The following FAM184B variants were observed in gnomAD, a reference collection of about 807,000 sequenced individuals.
The protein encoded by FAM184B is family with sequence similarity 184 member B.
FAM184B carries 111 observed loss-of-function variants against 135.9 expected under a neutral mutation model. The ratio of observed to expected loss-of-function variants is 0.82; its 90% CI spans 0.70 to 0.96. The LOEUF is 0.96. FAM184B is among the 40% of genes least tolerant of loss of function. The probability of loss-of-function intolerance (pLI) is 0.00; values close to 1 mark genes in which losing one functional copy is unlikely to be tolerated. For missense variants in FAM184B, 1,375 were observed against 1,323.9 expected (o/e 1.04, Z -0.60); for synonymous variants, 552 against 524.8 (o/e 1.05, Z -0.71).
At chr4:17,765,976 TC>T (rs959849741) in intron 1 of FAM184B, among the ~76,000 whole-genome samples, 1 of 152,044 alleles carries the variant, frequency 6.6e-6, no homozygotes, top group South Asian at 2.1e-4. Flanking sequence ...GGTTATTCAT[TC>T]CCCCCGGCAG....
In FAM184B at chr4:17,631,233, G is replaced by A. The variant is rs1714930350; in HGVS notation, c.*1299C>T. ...ATATATATATATATTTTTTTAATCTGTAGAGATGGGATCTCACTATCTTGC... is the reference window on the plus strand; with the variant it reads ...ATATATATATATATTTTTTTAATCTATAGAGATGGGATCTCACTATCTTGC... On this transcript the variant is annotated 3_prime_UTR_variant, in exon 18 of 18. Transcript: ENST00000265018. The A allele has an allele frequency of 6.6e-6, 1 of 151,120 alleles. No individual in the cohort carries two copies. 9.4% of individuals were successfully genotyped at this position (151,120 alleles called of 1,614,324 possible).
intron 1 of FAM184B, among the ~76,000 whole-genome samples, chr4:17,719,223 C>T (rs949190405): frequency 6.6e-6 from 1 of 152,156 alleles, no homozygotes; most frequent in Non-Finnish European, 1.5e-5. Context: ...TACTTGAAAA[C>T]AAGCACTGTG....
intron 1 of FAM184B, among the ~76,000 whole-genome samples, chr4:17,720,782 A>T (rs1717504974): frequency 6.7e-6 from 1 of 149,860 alleles, no homozygotes; most frequent in Non-Finnish European, 1.5e-5. Context: ...GCTGCTCGAG[A>T]GGCTGAGGCG....
intron 12 of FAM184B, among the ~76,000 whole-genome samples, chr4:17,646,828 G>A (rs1008065701): frequency 4.6e-5 from 7 of 152,158 alleles, no homozygotes; most frequent in Non-Finnish European, 1.0e-4. Context: ...CTGTTAGGAG[G>A]TGACTGCCAC....
At chr4:17,707,161 T>C (rs1717138632) in intron 3 of FAM184B, among the ~76,000 whole-genome samples, 1 of 152,162 alleles carries the variant, frequency 6.6e-6, no homozygotes, top group South Asian at 2.1e-4. Context: ...GGTCTCAAAG[T>C]CCTGGGCTGA....
chr4:17,638,536 A>G (rs928053085), intron 14 of FAM184B, among the ~76,000 whole-genome samples: 23 of 152,072 alleles, frequency 1.5e-4, no homozygotes, highest in Non-Finnish European at 1.5e-5. Flanking sequence ...TCTCAGCAGA[A>G]TTTGTGAGCC....
At chr4:17,685,346 C>T (rs990830470) in intron 7 of FAM184B, among the ~76,000 whole-genome samples, 3 of 150,970 alleles carry the variant, frequency 2.0e-5, no homozygotes, top group East Asian at 1.9e-4. Flanking sequence ...GTCAGGAGTT[C>T]GAGACTAGCC....
At chr4:17,666,356 T>G (rs1409812321) in intron 7 of FAM184B, among the ~76,000 whole-genome samples, 1 of 150,444 alleles carries the variant, frequency 6.6e-6, no homozygotes, top group African/African-American at 2.5e-5. Context: ...CAGGCTGATG[T>G]GCAGTGGCGC....
chr4:17,739,183 G>A (rs1286220867), intron 1 of FAM184B, among the ~76,000 whole-genome samples: 3 of 152,132 alleles, frequency 2.0e-5, no homozygotes, highest in Non-Finnish European at 2.9e-5. Flanking sequence ...CCCACAAGGT[G>A]GATTTGATTC....
chr4:17,702,710 A>T (rs868098510), intron 5 of FAM184B, among the ~76,000 whole-genome samples: 8 of 152,202 alleles, frequency 5.3e-5, no homozygotes, highest in African/African-American at 1.9e-4. Context: ...TTGTGACATG[A>T]TTCATATCCC....
At chr4:17,756,945 G>A (rs979220547) in intron 1 of FAM184B, among the ~76,000 whole-genome samples, 1 of 152,050 alleles carries the variant, frequency 6.6e-6, no homozygotes, top group Non-Finnish European at 1.5e-5. Context: ...TAAAAAGATG[G>A]AATGGAATTA....
chr4:17,647,818 T>C, intron 11 of FAM184B, 27 bp from the exon 12 acceptor site: 1 of 1,544,362 alleles, frequency 6.5e-7, no homozygotes, highest in Non-Finnish European at 8.7e-7. Flanking sequence ...AGCAGTGAGT[T>C]AGGCGTTGGG....
chr4:17,654,178 C>G (rs187166530), intron 10 of FAM184B, among the ~76,000 whole-genome samples: 1 of 149,402 alleles, frequency 6.7e-6, no homozygotes, highest in East Asian at 2.0e-4. Context: ...CAATAGGAAA[C>G]TAATATAGTT....
At chr4:17,699,333 T>G (rs1026526589) in intron 5 of FAM184B, among the ~76,000 whole-genome samples, 8 of 152,028 alleles carry the variant, frequency 5.3e-5, no homozygotes. Context: ...CCAAATTTCA[T>G]GAAAACTGTA....
chr4:17,634,152 T>C, intron 16 of FAM184B: 1 of 295,246 alleles, frequency 3.4e-6, no homozygotes, highest in East Asian at 6.0e-5. Flanking sequence ...TTTAAGATTT[T>C]AGAAGGTCAT....
chr4:17,679,317 C>T (rs1716385405), intron 7 of FAM184B, among the ~76,000 whole-genome samples: 1 of 152,020 alleles, frequency 6.6e-6, no homozygotes, highest in Non-Finnish European at 1.5e-5. Context: ...ATAAATAACT[C>T]ACATCAGCAA....
intron 1 of FAM184B, among the ~76,000 whole-genome samples, chr4:17,718,325 A>T (rs1357328687): frequency 6.6e-6 from 1 of 152,210 alleles, no homozygotes; most frequent in Non-Finnish European, 1.5e-5. Context: ...AAGTTAAAAG[A>T]GTAGAATCAT....
chr4:17,769,389 T>A (rs937849623), intron 1 of FAM184B, among the ~76,000 whole-genome samples: 2 of 152,208 alleles, frequency 1.3e-5, no homozygotes, highest in African/African-American at 4.8e-5. Context: ...ATCTGTATTT[T>A]TGAGTTTTTT....
chr4:17,705,015 T>C lies in FAM184B; in HGVS notation c.1362A>G (p.Arg454=), dbSNP rs1319600531. Residue 454 remains arginine (R), a synonymous_variant, in exon 5 of 18, where the codon AGA becomes AGG. Transcript: ENST00000265018. ...TAGGTCTCACCCTCTGCAGTTTCTT[T>C]CTTTCAGCCTCCACGGACGAGCGAA... ...KSVRSSVEAE[R]KKLQREVEAQ... 3.2e-6 allele frequency: 5 copies of C among 1,551,724 alleles called. No homozygotes were observed. In the South Asian group the frequency reaches 5.9e-5, roughly 18 times the overall value.
Sources: gnomAD v4.1 joint callset for allele counts (sites outside exome capture counted in the v4.1 genomes callset) on GRCh38, gnomAD v4.1.1 for gene constraint, MANE v1.5 for transcripts, NCBI Gene and HGNC (gene_info 2026-07-23, HGNC 2026-07-21) for gene names.